The following ARFIP1 variants were observed in gnomAD, a reference collection of about 807,000 sequenced individuals.
ARFIP1 encodes the protein ARF interacting protein 1.
A neutral mutation model predicts 42.5 loss-of-function variants in ARFIP1; 24 were observed. The observed-to-expected ratio is 0.57, with a 90% CI of 0.41 to 0.80. The LOEUF (loss-of-function observed/expected upper bound fraction) is 0.80, where lower values mean the gene tolerates loss of function less well. Among genes scored for constraint, ARFIP1 ranks in the 30% least tolerant of loss-of-function variants. The pLI, the probability that ARFIP1 is intolerant of heterozygous loss-of-function variation, is 0.00. For synonymous variants in ARFIP1, 141 were observed against 153.7 expected (o/e 0.92, Z 0.61); for missense variants, 354 against 434.0 (o/e 0.82, Z 1.64).
At chr4:152,848,930 G>A (rs575095163) in intron 2 of ARFIP1, among the ~76,000 whole-genome samples, 1 of 152,238 alleles carries the variant, frequency 6.6e-6, no homozygotes, top group South Asian at 2.1e-4. Flanking sequence ...CTCGGTCAAT[G>A]GCAATAATGA....
At chr4:152,808,169 G>A (rs149394739) in intron 1 of ARFIP1, among the ~76,000 whole-genome samples, 504 of 151,388 alleles carry the variant, frequency 3.3e-3, no homozygotes, top group Non-Finnish European at 5.7e-3. Context: ...TAGTGGAGAC[G>A]GAGTTTCTCC....
chr4:152,871,470 ATTTTG>A (rs1734877575), intron 4 of ARFIP1, among the ~76,000 whole-genome samples: 1 of 152,128 alleles, frequency 6.6e-6, no homozygotes, highest in African/African-American at 2.4e-5. Flanking sequence ...TAACATTTAT[ATTTTG>A]TTTTGTGAGA....
intron 1 of ARFIP1, among the ~76,000 whole-genome samples, chr4:152,789,108 T>TTTTTTTTTTTTTTTTTTTTTTTTTTTTG (rs1561096806): frequency 7.5e-6 from 1 of 133,620 alleles, no homozygotes. Context: ...TTTTTTTTTT[T>TTTTTTTTTTTTTTTTTTTTTTTTTTTTG]GAGGTAGAGT....
At chr4:152,829,575 C>A (rs2149846021) in intron 1 of ARFIP1, 50 bp from the exon 2 acceptor site, 1 of 1,281,248 alleles carries the variant, frequency 7.8e-7, no homozygotes, top group Non-Finnish European at 1.1e-6. Flanking sequence ...TGAATATAGT[C>A]TTTATGATTT....
intron 8 of ARFIP1, among the ~76,000 whole-genome samples, chr4:152,889,778 ATATACTATATAT>A (rs1561173560): frequency 2.0e-3 from 44 of 22,454 alleles, no homozygotes; most frequent in Non-Finnish European, 2.5e-3. Context: ...TATATACTAT[ATATACTATATAT>A]TATATACTAT....
At chr4:152,855,067 TAGTGTGCATGGGTATTGGC>T (rs1236604024) in intron 2 of ARFIP1, among the ~76,000 whole-genome samples, 2 of 152,100 alleles carry the variant, frequency 1.3e-5, no homozygotes, top group Non-Finnish European at 2.9e-5. Context: ...GGGTCCTGAG[TAGTGTGCATGGGTATTGGC>T]AGTGGCTGTG....
chr4:152,806,617 T>C (rs1729012220), intron 1 of ARFIP1, among the ~76,000 whole-genome samples: 1 of 152,180 alleles, frequency 6.6e-6, no homozygotes, highest in South Asian at 2.1e-4. Context: ...ACCACAGTCA[T>C]AATCAAGATA....
intron 1 of ARFIP1, among the ~76,000 whole-genome samples, chr4:152,825,457 T>A (rs1730757460): frequency 6.6e-6 from 1 of 152,158 alleles, no homozygotes; most frequent in Non-Finnish European, 1.5e-5. Flanking sequence ...AAGGACACAC[T>A]ATTCAATAAA....
chr4:152,903,761 A>G (rs1335885781), intron 8 of ARFIP1, among the ~76,000 whole-genome samples: 1 of 152,108 alleles, frequency 6.6e-6, no homozygotes, highest in East Asian at 1.9e-4. Flanking sequence ...CAACAAATAC[A>G]CTGAGCCTGA....
chr4:152,789,986 C>T (rs1253572796), intron 1 of ARFIP1, among the ~76,000 whole-genome samples: 1 of 152,198 alleles, frequency 6.6e-6, no homozygotes, highest in Non-Finnish European at 1.5e-5. Context: ...AAACCAATAT[C>T]TGGGCACTAT....
At chr4:152,889,559 ATATT>A (rs1283444516) in intron 8 of ARFIP1, among the ~76,000 whole-genome samples, 4 of 127,882 alleles carry the variant, frequency 3.1e-5, no homozygotes, top group Admixed American at 1.7e-4. Context: ...GTGTGTGTGT[ATATT>A]TATGTGTATA....
intron 1 of ARFIP1, among the ~76,000 whole-genome samples, chr4:152,826,262 T>C (rs1425614449): frequency 1.3e-5 from 2 of 152,218 alleles, no homozygotes; most frequent in African/African-American, 4.8e-5. Context: ...ATGGGGTTTA[T>C]ATATACCATG....
intron 1 of ARFIP1, among the ~76,000 whole-genome samples, chr4:152,787,609 C>G (rs1730885563): frequency 6.6e-6 from 1 of 152,234 alleles, no homozygotes; most frequent in African/African-American, 2.4e-5. Flanking sequence ...CAACCACAGA[C>G]TGTCCACATG....
chr4:152,870,651 T>G, intron 3 of ARFIP1, 102 bp from the exon 4 acceptor site: 1 of 776,414 alleles, frequency 1.3e-6, no homozygotes, highest in Non-Finnish European at 2.2e-6. Flanking sequence ...TTAATCCTAG[T>G]GTTTGAATAT....
At chr4:152,905,545 G>GCTTTTTTTTT (rs1554036969) in intron 8 of ARFIP1, among the ~76,000 whole-genome samples, 5 of 30,378 alleles carry the variant, frequency 1.6e-4, no homozygotes, top group African/African-American at 6.2e-4. Flanking sequence ...TGTAAGAATT[G>GCTTTTTTTTT]TTTTTTTTTT....
At chr4:152,844,833 A>G (rs1247275780) in intron 2 of ARFIP1, among the ~76,000 whole-genome samples, 3 of 152,168 alleles carry the variant, frequency 2.0e-5, no homozygotes, top group South Asian at 4.1e-4. Flanking sequence ...AACTGCCAGT[A>G]TCATTTTTTC....
intron 1 of ARFIP1, among the ~76,000 whole-genome samples, chr4:152,804,008 AAT>A (rs560275552): frequency 0.011 from 1,509 of 136,500 alleles, 35 homozygotes; most frequent in African/African-American, 0.037. Flanking sequence ...TATAACATGT[AAT>A]ATATATATTA....
At chr4:152,823,987 G>A (rs986328912) in intron 1 of ARFIP1, among the ~76,000 whole-genome samples, 5 of 151,866 alleles carry the variant, frequency 3.3e-5, no homozygotes, top group African/African-American at 1.2e-4. Flanking sequence ...CAAAATATTA[G>A]CAAACTGAAT....
chr4:152,829,595 T>TAG (rs750927874), intron 1 of ARFIP1, 30 bp from the exon 2 acceptor site: 6 of 1,487,188 alleles, frequency 4.0e-6, no homozygotes, highest in Non-Finnish European at 5.6e-6. Flanking sequence ...TGGTATTAGT[T>TAG]ACGGCGCTTT....
Sources: gnomAD v4.1 joint callset for allele counts (sites outside exome capture counted in the v4.1 genomes callset) on GRCh38, gnomAD v4.1.1 for gene constraint, MANE v1.5 for transcripts, NCBI Gene and HGNC (gene_info 2026-07-23, HGNC 2026-07-21) for gene names.